The following CTTN variants were observed in gnomAD, a reference collection of about 807,000 sequenced individuals.
The protein encoded by CTTN is src substrate cortactin.
Under a neutral mutation model 84.0 loss-of-function variants are expected in CTTN, and 28 were observed. That is an observed-to-expected ratio of 0.33 (90% CI 0.25 to 0.46). The LOEUF is 0.46. CTTN is among the 20% of genes least tolerant of loss of function. The pLI is 1.00. For missense variants in CTTN, 641 were observed against 723.8 expected (o/e 0.89, Z 1.31); for synonymous variants, 301 against 288.8 (o/e 1.04, Z -0.43).
In CTTN at chr11:70,432,347, G is replaced by A. The variant is rs536016780; in HGVS notation, c.1267-754G>A. Reference sequence around the variant, plus strand: ...TGGTGCCTGTGCTGAGGGTGGAGTCGCTCTCCCTGCCCGATTACTCTCCCT... The same window carrying A: ...TGGTGCCTGTGCTGAGGGTGGAGTCACTCTCCCTGCCCGATTACTCTCCCT... On this transcript the variant is annotated intron_variant, in intron 15 of 17. Transcript: ENST00000301843. Among the ~76,000 whole-genome samples, 23 of 152,276 alleles carry A rather than the reference G, an allele frequency of 1.5e-4. No homozygotes were observed. The South Asian group carries it at 3.7e-3, about 25-fold the overall frequency.
chr11:70,420,519 A>G lies in CTTN; in HGVS notation c.790+9A>G, dbSNP rs371850923. ...GCATGAATCCCAAAAAGGTACATTC[A>G]CTCTGCCTGTATGCGAGATGGTTTT... On this transcript the variant is annotated intron_variant, in intron 10 of 17. Coordinates refer to ENST00000301843, the MANE Select transcript of CTTN (RefSeq NM_005231.4). 1 of 1,595,948 alleles carries G rather than the reference A, an allele frequency of 6.3e-7. No individual in the cohort carries two copies. The highest frequency in any genetic ancestry group is 1.1e-5 in the South Asian group (1 of 90,716).
At position 70,414,613 on chromosome 11, in the gene CTTN, C is replaced by T. The variant is rs754494477; in HGVS notation, c.363C>T (p.Phe121=). Residue 121 remains phenylalanine (F), a synonymous_variant, in exon 6 of 18, where the codon TTC becomes TTT. Transcript: ENST00000301843. ...CGCAGGTGGACTCGGTCCGTGGCTT[C>T]GGAGGCAAGTTTGGTGTCCAGATGG... The part of the protein sequence containing the change: ...HCSQVDSVRG[F]GGKFGVQMDR... 15 of 1,614,142 alleles carry T rather than the reference C, an allele frequency of 9.3e-6. No homozygotes were observed. The highest frequency in any genetic ancestry group is 1.2e-5 in the Non-Finnish European group (14 of 1,179,990).
At chr11:70,423,111 C>T (rs1053429276) in intron 12 of CTTN, 116 bp downstream of exon 12, 57 of 1,260,756 alleles carry the variant, frequency 4.5e-5, no homozygotes, top group South Asian at 7.9e-5. Context: ...TGATTTCCGT[C>T]GTGGTGGTGG....
rs1326210002 is a variant in CTTN, at chr11:70,410,473, C to T, written c.291+513C>T. On this transcript the variant is annotated intron_variant, in intron 5 of 17. Coordinates refer to ENST00000301843, the MANE Select transcript of CTTN (RefSeq NM_005231.4). Reference sequence around the variant, plus strand: ...GGCGCGTACCAGGCTGGGGACAGTGCTCACTCTATTCGAGAGGTCTGGGCA... The same window carrying T: ...GGCGCGTACCAGGCTGGGGACAGTGTTCACTCTATTCGAGAGGTCTGGGCA... 3 of 157,302 alleles carry T rather than the reference C, an allele frequency of 1.9e-5. 1 individual carries two copies. The highest frequency in any genetic ancestry group is 1.8e-4 in the Admixed American group (3 of 16,494). The allele number at this position is 157,302 out of a possible 1,614,324, so 9.7% of individuals were successfully genotyped here.
chr11:70,406,096 G>A (rs983005780), intron 2 of CTTN, among the ~76,000 whole-genome samples: 6 of 152,246 alleles, frequency 3.9e-5, no homozygotes, highest in Non-Finnish European at 7.3e-5. Flanking sequence ...AGATCACTCT[G>A]GAAATTCTTG....
chr11:70,414,466 C>G, intron 5 of CTTN, 76 bp from the exon 6 acceptor site: 2 of 1,092,600 alleles, frequency 1.8e-6, no homozygotes, highest in Non-Finnish European at 2.8e-6. Context: ...TGGCCTCCCC[C>G]AGCCCTGCTC....
At chr11:70,429,741 G>A (rs967410268) in intron 14 of CTTN, among the ~76,000 whole-genome samples, 5 of 152,198 alleles carry the variant, frequency 3.3e-5, no homozygotes, top group Admixed American at 2.6e-4. Flanking sequence ...TGGCAGGGGC[G>A]GAGCACGAGC....
At chr11:70,415,603 G>A in intron 6 of CTTN, 60 bp from the exon 7 acceptor site, 1 of 1,388,168 alleles carries the variant, frequency 7.2e-7, no homozygotes, top group Non-Finnish European at 1.0e-6. Flanking sequence ...CAGAGAGATT[G>A]TTTCAGGGAC....
At chr11:70,414,262 G>A (rs1037356224) in intron 5 of CTTN, among the ~76,000 whole-genome samples, 1 of 151,748 alleles carries the variant, frequency 6.6e-6, no homozygotes, top group African/African-American at 2.4e-5. Context: ...GGAGAATGGC[G>A]TGAACCTGGG....
rs893182837 is a variant in CTTN, at chr11:70,401,966, A to G, written c.-97-3299A>G. On this transcript the variant is annotated intron_variant, in intron 1 of 17. Transcript: ENST00000301843. Reference sequence around the variant, plus strand: ...AGGAGTTGGAGATCAGCCTGGACCAACATAATGAAACCCCATCTCTACTAA... The same window carrying G: ...AGGAGTTGGAGATCAGCCTGGACCAGCATAATGAAACCCCATCTCTACTAA... 2.8e-4 allele frequency among the ~76,000 whole-genome samples: 42 copies of G among 152,224 alleles called. 2 individuals carry two copies. The highest frequency in any genetic ancestry group is 2.2e-3 in the Admixed American group (34 of 15,288).
In CTTN at chr11:70,433,281, A is replaced by C. The variant is rs1313229818; in HGVS notation, c.1444+3A>C. 1 of 1,605,108 alleles carries C rather than the reference A, an allele frequency of 6.2e-7. No homozygotes were observed. The highest frequency in any genetic ancestry group is 8.5e-7 in the Non-Finnish European group (1 of 1,176,442). On this transcript the variant is annotated splice_donor_region_variant and intron_variant, in intron 16 of 17. Transcript: ENST00000301843. ...GGCCCCGGGCCACTATCCCGCAGGT[A>C]CTGGGGCCCCACGCTGCAGCGCCCT...
chr11:70,429,864 T>A (rs1445506403), intron 14 of CTTN, among the ~76,000 whole-genome samples: 1 of 151,994 alleles, frequency 6.6e-6, no homozygotes, highest in Non-Finnish European at 1.5e-5. Context: ...TACAGATGTG[T>A]GTGTGTGAAG....
In CTTN at chr11:70,412,080, G is replaced by A. The variant is rs1445321169; in HGVS notation, c.291+2120G>A. Among the ~76,000 whole-genome samples the A allele has an allele frequency of 3.9e-5, 6 of 152,178 alleles. No homozygotes were observed. In the South Asian group the frequency reaches 6.2e-4, roughly 16 times the overall value. On this transcript the variant is annotated intron_variant, in intron 5 of 17. Coordinates refer to ENST00000301843, the MANE Select transcript of CTTN (RefSeq NM_005231.4). Reference sequence around the variant, plus strand: ...CTGCTGCTCAGTCCCAGCTGGCATCGGGGCCAGGTTAGCGCTCAGCTCAGG... The same window carrying A: ...CTGCTGCTCAGTCCCAGCTGGCATCAGGGCCAGGTTAGCGCTCAGCTCAGG...
chr11:70,413,306 G>A (rs944259081), intron 5 of CTTN, among the ~76,000 whole-genome samples: 2 of 152,184 alleles, frequency 1.3e-5, no homozygotes, highest in African/African-American at 4.8e-5. Context: ...CTTTCTCCAC[G>A]CCCTCTGCTG....
intron 1 of CTTN, among the ~76,000 whole-genome samples, chr11:70,404,303 A>G (rs2058019571): frequency 6.6e-6 from 1 of 152,166 alleles, no homozygotes; most frequent in Admixed American, 6.5e-5. Flanking sequence ...AGGGGATTTC[A>G]TTCGTCCATG....
At chr11:70,422,699 C>T (rs1003607317) in intron 11 of CTTN, 9 of 1,442,340 alleles carry the variant, frequency 6.2e-6, no homozygotes, top group Non-Finnish European at 8.3e-6. Context: ...GCCCCTCCTG[C>T]CCCTCAGGGA....
At chr11:70,415,316 C>T (rs933492107) in intron 6 of CTTN, among the ~76,000 whole-genome samples, 6 of 152,228 alleles carry the variant, frequency 3.9e-5, no homozygotes, top group Admixed American at 6.5e-5. Flanking sequence ...CTGCTATTCT[C>T]ATTACTAATA....
intron 14 of CTTN, among the ~76,000 whole-genome samples, chr11:70,429,658 G>A (rs1161901395): frequency 1.3e-5 from 2 of 152,216 alleles, no homozygotes; most frequent in South Asian, 4.1e-4. Context: ...TGCTTGGCCA[G>A]CCCAGCCCCG....
chr11:70,425,488 A>T, intron 13 of CTTN, 87 bp downstream of exon 13: 2 of 921,848 alleles, frequency 2.2e-6, no homozygotes, highest in Non-Finnish European at 3.5e-6. Context: ...CCAGGAGCAG[A>T]TGCACCACTA....
Sources: allele counts gnomAD v4.1 joint callset (sites outside exome capture counted in the v4.1 genomes callset), GRCh38; gene constraint gnomAD v4.1.1; transcripts MANE v1.5; gene names NCBI Gene and HGNC (gene_info 2026-07-23, HGNC 2026-07-21).